Variants in SOX6 observed in about 807,000 individuals in gnomAD.
SOX6 encodes transcription factor SOX-6.
SOX6 carries 11 observed loss-of-function variants against 97.8 expected under a neutral mutation model. The observed-to-expected ratio is 0.11, with a 90% CI of 0.07 to 0.19. The LOEUF is 0.19. Ranked by LOEUF, SOX6 falls within the 10% of genes least tolerant of loss-of-function variation. The pLI, the probability that SOX6 is intolerant of heterozygous loss-of-function variation, is 1.00. For missense variants in SOX6, 810 were observed against 1,039.5 expected, an observed-to-expected ratio of 0.78 and a Z score of 3.04; for synonymous variants, 360 against 371.4, an observed-to-expected ratio of 0.97 and a Z score of 0.35.
rs34604334 is a variant in SOX6, at chr11:16,569,868, C to CAAAAAAAAAAAAAA, written n.609+42199_609+42212dup. On this transcript the variant is annotated intron_variant and non_coding_transcript_variant, in intron 4 of 5. Transcript: ENST00000524520. ...TGGGTGACTGATCAAGACTCCGTCT[C>CAAAAAAAAAAAAAA]AAAAAAAAAAAAAAAAAGATATACT... 4.1e-4 allele frequency among the ~76,000 whole-genome samples: 35 copies of CAAAAAAAAAAAAAA among 84,786 alleles called. 3 individuals carry two copies. Among genetic ancestry groups the CAAAAAAAAAAAAAA allele is most frequent in the African/African-American group, 1.9e-3 (31 of 16,090 alleles). The allele number at this position is 84,786 out of a possible 152,430, so 55.6% of individuals were successfully genotyped here.
intron 6 of SOX6, among the ~76,000 whole-genome samples, chr11:16,148,776 G>A (rs1247537287): frequency 6.6e-6 from 1 of 151,660 alleles, no homozygotes; most frequent in African/African-American, 2.4e-5. Flanking sequence ...TCAACACAAA[G>A]ACAAAATAGT....
intron 3 of SOX6, among the ~76,000 whole-genome samples, chr11:16,688,456 T>A (rs192225244): frequency 3.7e-4 from 56 of 152,330 alleles, no homozygotes; most frequent in African/African-American, 1.3e-3. Flanking sequence ...CTGTTCATTT[T>A]TTTCTGGTCA....
intron 4 of SOX6, among the ~76,000 whole-genome samples, chr11:16,234,270 A>G (rs889737056): frequency 6.6e-6 from 1 of 152,160 alleles, no homozygotes; most frequent in Non-Finnish European, 1.5e-5. Context: ...AGGGAAAACT[A>G]AGACTATCTT....
intron 1 of SOX6, among the ~76,000 whole-genome samples, chr11:16,458,453 C>CA (rs1490157619): frequency 4.6e-5 from 7 of 151,804 alleles, no homozygotes; most frequent in Admixed American, 1.3e-4. Flanking sequence ...AATATGGGTA[C>CA]AAAGAATAAA....
Position 16,144,855 on chromosome 11 carries a change from T to C in SOX6, c.778-32932A>G, listed in dbSNP as rs1397022797. On this transcript the variant is annotated intron_variant, in intron 6 of 15. Coordinates refer to ENST00000683767, the MANE Select transcript of SOX6 (RefSeq NM_001367873.1). ...ACAGGCTCTGAAATTGAGGCAATAA[T>C]TAATAGCCTACCAATCAAAAAAAGT... Among the ~76,000 whole-genome samples, 20 of 152,272 alleles carry C rather than the reference T, an allele frequency of 1.3e-4. 1 individual carries two copies. In the East Asian group the frequency reaches 3.5e-3, roughly 26 times the overall value.
At chr11:16,442,769 A>G (rs1590205426) in intron 1 of SOX6, among the ~76,000 whole-genome samples, 1 of 152,304 alleles carries the variant, frequency 6.6e-6, no homozygotes, top group East Asian at 1.9e-4. Flanking sequence ...CACTCCGTAC[A>G]ACTTCATCAT....
intron 6 of SOX6, among the ~76,000 whole-genome samples, chr11:16,159,776 TTGATAAGTCTGTTTC>T (rs1391221250): frequency 6.6e-6 from 1 of 152,186 alleles, no homozygotes; most frequent in African/African-American, 2.4e-5. Flanking sequence ...AATCAGACTT[TTGATAAGTCTGTTTC>T]TACCTATAAA....
intron 1 of SOX6, among the ~76,000 whole-genome samples, chr11:16,362,396 T>C (rs1029880346): frequency 5.3e-5 from 8 of 152,102 alleles, no homozygotes; most frequent in Non-Finnish European, 1.2e-4. Context: ...CTCCACTCTC[T>C]GAACCTTGTG....
At chr11:16,106,465 CA>C (rs1849089309) in intron 7 of SOX6, among the ~76,000 whole-genome samples, 1 of 151,596 alleles carries the variant, frequency 6.6e-6, no homozygotes, top group Non-Finnish European at 1.5e-5. Context: ...GACAAAGGTG[CA>C]AAAACCATTG....
chr11:16,377,489 A>C (rs1209211811), intron 1 of SOX6, among the ~76,000 whole-genome samples: 3 of 152,164 alleles, frequency 2.0e-5, no homozygotes, highest in Non-Finnish European at 4.4e-5. Context: ...TAGACATAGA[A>C]ACTACATAGG....
intron 1 of SOX6, among the ~76,000 whole-genome samples, chr11:16,403,463 C>T (rs1858612882): frequency 1.3e-5 from 2 of 151,620 alleles, no homozygotes; most frequent in Admixed American, 1.3e-4. Context: ...TTAAAAGTAA[C>T]ATAAAAGGCG....
chr11:16,098,141 TA>T (rs933655315), intron 7 of SOX6, among the ~76,000 whole-genome samples: 3 of 151,832 alleles, frequency 2.0e-5, no homozygotes, highest in Non-Finnish European at 4.4e-5. Flanking sequence ...TTCTAAACTT[TA>T]TTTATTAAAC....
upstream of SOX6, among the ~76,000 whole-genome samples, chr11:16,358,315 A>G (rs762126280): frequency 6.6e-6 from 1 of 152,166 alleles, no homozygotes; most frequent in Non-Finnish European, 1.5e-5. Context: ...TTTCAAAATT[A>G]TAGAATGCCA....
chr11:16,634,080 A>G (rs1281442510), intron 3 of SOX6, among the ~76,000 whole-genome samples: 9 of 152,216 alleles, frequency 5.9e-5, no homozygotes, highest in Non-Finnish European at 1.3e-4. Context: ...ATTATCAGAC[A>G]AGAACTTTAA....
chr11:16,063,897 A>G (rs543346447), intron 9 of SOX6, among the ~76,000 whole-genome samples: 170 of 151,718 alleles, frequency 1.1e-3, no homozygotes, highest in Middle Eastern at 6.8e-3. Context: ...TAAGCTACAC[A>G]GTGAACCACA....
intron 12 of SOX6, among the ~76,000 whole-genome samples, chr11:16,043,297 T>C (rs2133902656): frequency 6.6e-6 from 1 of 152,234 alleles, no homozygotes; most frequent in Admixed American, 6.5e-5. Context: ...GGGCGGTAAC[T>C]TAGACATCTG....
chr11:16,096,189 A>G, intron 8 of SOX6, 71 bp from the exon 9 acceptor site: 2 of 1,540,514 alleles, frequency 1.3e-6, no homozygotes, highest in Admixed American at 1.7e-5. Flanking sequence ...AACAGAATAC[A>G]TATTTCTAAA....
intron 15 of SOX6, among the ~76,000 whole-genome samples, chr11:15,984,571 T>C (rs1287025704): frequency 6.6e-6 from 1 of 152,250 alleles, no homozygotes; most frequent in African/African-American, 2.4e-5. Flanking sequence ...ATAAATCCTC[T>C]AATTATCAGC....
intron 3 of SOX6, among the ~76,000 whole-genome samples, chr11:16,238,550 A>G (rs943196095): frequency 4.6e-5 from 7 of 152,114 alleles, no homozygotes; most frequent in Admixed American, 3.9e-4. Context: ...TATTTTGGGA[A>G]CAATTTTAAA....
Sources: gnomAD v4.1 joint callset for allele counts (sites outside exome capture counted in the v4.1 genomes callset) on GRCh38, gnomAD v4.1.1 for gene constraint, MANE v1.5 for transcripts, NCBI Gene and HGNC (gene_info 2026-07-23, HGNC 2026-07-21) for gene names.